Variants in MGAM observed in about 807,000 individuals in gnomAD.
MGAM encodes the protein maltase-glucoamylase.
MGAM carries 253 observed loss-of-function variants against 358.8 expected under a neutral mutation model. The observed-to-expected ratio is 0.71, with a 90% confidence interval of 0.64 to 0.78. The LOEUF (loss-of-function observed/expected upper bound fraction) is 0.78. MGAM is among the 30% of genes least tolerant of loss of function. MGAM has a pLI of 0.00. For synonymous variants in MGAM, 1,105 were observed against 1,227.1 expected (o/e 0.90, Z 2.08); for missense variants, 3,080 against 3,432.6 (o/e 0.90, Z 2.57).
At chr7:142,092,388 G>A (rs1815475566) in intron 58 of MGAM, 133 bp from the exon 59 acceptor site, 2 of 972,126 alleles carry the variant, frequency 2.1e-6, no homozygotes, top group African/African-American at 3.1e-5. Context: ...ACCAGGATTT[G>A]ATGAAGCTCC....
In MGAM at chr7:142,081,717, C is replaced by T. The variant is rs771250964; in HGVS notation, c.6003-325C>T. On this transcript the variant is annotated intron_variant, in intron 50 of 70. Transcript: ENST00000475668. Reference sequence around the variant, plus strand: ...CGTAGGAATATCGCTTTGAGTGCTACGTAGAAAATGCGCTGAGGGGTGCAA... The same window carrying T: ...CGTAGGAATATCGCTTTGAGTGCTATGTAGAAAATGCGCTGAGGGGTGCAA... Among the ~76,000 whole-genome samples the T allele has an allele frequency of 2.5e-4, 36 of 145,166 alleles. 4 individuals are homozygous for T. Among genetic ancestry groups the T allele is most frequent in the Non-Finnish European group, 3.3e-4 (21 of 64,158 alleles).
chr7:142,021,646 G>A lies in MGAM; in HGVS notation c.619G>A (p.Gly207Arg), dbSNP rs782342749. Residue 207 changes from glycine to arginine, a missense_variant, in exon 6 of 71, where the codon GGA (glycine) becomes AGA (arginine). Transcript: ENST00000475668. Reference sequence around the variant, plus strand: ...CCACGAACACGTGCAGTCCTTCAGTGGAAATGCTGCTGCTTCTTTGACCTA... The same window carrying A: ...CCACGAACACGTGCAGTCCTTCAGTAGAAATGCTGCTGCTTCTTTGACCTA... ...VPHEHVQSFSGNAAASLTYQV... is the reference protein window; with the variant it reads ...VPHEHVQSFSRNAAASLTYQV... 2.5e-6 allele frequency: 4 copies of A among 1,613,906 alleles called. No homozygotes were observed. The highest frequency in any genetic ancestry group is 3.4e-6 in the Non-Finnish European group (4 of 1,179,798).
chr7:142,071,523 G>A lies in MGAM; in HGVS notation c.5186+405G>A, dbSNP rs1813348727. ...TTTTCAAACACGCTAACAGCCAGGT[G>A]GTCAGCCTCCTTGGTTTGCCAGGAC... On this transcript the variant is annotated intron_variant, in intron 44 of 70. Transcript: ENST00000475668. Among the ~76,000 whole-genome samples, 2 of 146,122 alleles carry A rather than the reference G, an allele frequency of 1.4e-5. 1 individual carries two copies. Among genetic ancestry groups the A allele is most frequent in the Non-Finnish European group, 3.1e-5 (2 of 64,512 alleles).
At chr7:142,089,012 C>G (rs186107032) in intron 57 of MGAM, among the ~76,000 whole-genome samples, 3,386 of 141,882 alleles carry the variant, frequency 0.024, 224 homozygotes, top group African/African-American at 0.053. Flanking sequence ...ATCTATCTAT[C>G]TATCTATCTA....
intron 22 of MGAM, among the ~76,000 whole-genome samples, 177 bp from the exon 23 acceptor site, chr7:142,050,058 A>G (rs1810790467): frequency 6.6e-6 from 1 of 152,228 alleles, no homozygotes; most frequent in South Asian, 2.1e-4. Context: ...TTATACATTG[A>G]TGAATGAATG....
Position 142,003,991 on chromosome 7 carries a change from A to G in MGAM, c.-2-1538A>G, listed in dbSNP as rs143266859. On this transcript the variant is annotated intron_variant, in intron 1 of 70. Coordinates refer to ENST00000475668, the MANE Select transcript of MGAM (RefSeq NM_001365693.1). ...AATGCAAATTAAAACCACAAATGAG[A>G]TGATATCTTACACTGGTCAGAATGG... Among the ~76,000 whole-genome samples the G allele has an allele frequency of 1.2e-4, 19 of 152,190 alleles. No individual in the cohort carries two copies. The East Asian group carries it at 3.3e-3, about 26-fold the overall frequency.
Position 142,005,665 on chromosome 7 carries a change from G to T in MGAM, c.127+8G>T. ...AGTCACTGAAATCAACAGGTAAGAA[G>T]TAACTCTGGGGCTCTCTCCATATGT... On this transcript the variant is annotated splice_region_variant and intron_variant, in intron 2 of 70. Coordinates refer to ENST00000475668, the MANE Select transcript of MGAM (RefSeq NM_001365693.1). The T allele has an allele frequency of 6.3e-6, 10 of 1,599,752 alleles. No homozygotes were observed. The highest frequency in any genetic ancestry group is 8.5e-6 in the Non-Finnish European group (10 of 1,172,548).
In MGAM at chr7:142,095,987, G is replaced by T. The variant is rs1272844096; in HGVS notation, c.7607+274G>T. 8.2e-6 allele frequency: 5 copies of T among 612,416 alleles called. No homozygotes were observed. The East Asian group carries it at 1.4e-4, about 17-fold the overall frequency. 37.9% of individuals were successfully genotyped at this position (612,416 alleles called of 1,614,324 possible). On this transcript the variant is annotated intron_variant, in intron 64 of 70. Transcript: ENST00000475668. ...CTGTGCAAAGGCCTATCTATCTTTT[G>T]TAGCAGTTTGGTTATATGTAGCCAG... is the stretch of plus-strand genomic sequence containing the variant.
chr7:142,007,102 G>A (rs1805224330), intron 2 of MGAM, among the ~76,000 whole-genome samples: 1 of 152,012 alleles, frequency 6.6e-6, no homozygotes, highest in Admixed American at 6.6e-5. Context: ...AATTTATGTT[G>A]CTCTGATAGG....
In MGAM at chr7:142,019,092, T is replaced by G. The variant is rs1018245462; in HGVS notation, c.328-107T>G. The G allele has an allele frequency of 1.0e-5, 13 of 1,303,704 alleles. No individual in the cohort carries two copies. In the Admixed American group the frequency reaches 1.2e-4, roughly 12 times the overall value. 80.8% of individuals were successfully genotyped at this position (1,303,704 alleles called of 1,614,324 possible). A position where few individuals can be genotyped will look rare whatever the true frequency, so the allele number is the denominator to read the frequency against. ...ATCTAAATGTCAGTTTCCTTATTTG[T>G]AAAATGAAATTATTCATACCAGAGT... On this transcript the variant is annotated intron_variant, in intron 3 of 70. Coordinates refer to ENST00000475668, the MANE Select transcript of MGAM (RefSeq NM_001365693.1).
chr7:142,025,449 C>T (rs1457777650), intron 8 of MGAM, among the ~76,000 whole-genome samples: 1 of 152,190 alleles, frequency 6.6e-6, no homozygotes, highest in Non-Finnish European at 1.5e-5. Context: ...ATAGTTTCCA[C>T]CAATGTGTTC....
chr7:142,013,049 C>T (rs781841774), intron 3 of MGAM, among the ~76,000 whole-genome samples: 3 of 152,096 alleles, frequency 2.0e-5, no homozygotes, highest in African/African-American at 4.8e-5. Flanking sequence ...ACAGGAACAG[C>T]GACAGACTCC....
intron 21 of MGAM, among the ~76,000 whole-genome samples, chr7:142,045,179 AC>A (rs1563156558): frequency 6.6e-5 from 3 of 45,448 alleles, no homozygotes; most frequent in Non-Finnish European, 4.3e-5. Flanking sequence ...ATATTATATA[AC>A]ATATATGATA....
Position 142,038,392 on chromosome 7 carries a change from G to T in MGAM, c.2232-139G>T, listed in dbSNP as rs960445307. On this transcript the variant is annotated intron_variant, in intron 18 of 70. Transcript: ENST00000475668. ...TGTCTAGGGGTGCAGAGGGGCTTGA[G>T]TAGGTGTCACAGAATAATTTGGGGG... The T allele has an allele frequency of 1.0e-4, 65 of 633,478 alleles. 1 individual carries two copies. The Admixed American group carries it at 1.7e-3, about 16-fold the overall frequency. 39.2% of individuals were successfully genotyped at this position (633,478 alleles called of 1,614,324 possible). A position where few individuals can be genotyped will look rare whatever the true frequency, so the allele number is the denominator to read the frequency against.
At chr7:142,032,535 A>G (rs1288768135) in intron 13 of MGAM, among the ~76,000 whole-genome samples, 3 of 152,172 alleles carry the variant, frequency 2.0e-5, no homozygotes, top group Admixed American at 1.3e-4. Context: ...GGAAAAATGT[A>G]TAAGTTGAAA....
In MGAM at chr7:142,065,331, G is replaced by C. The variant is rs2129043585; in HGVS notation, c.4485-4G>C. ...CAGTTCACCTCCTGTTCCCTTCCAA[G>C]CAGAGCCGTGCAGGAGGTGACGGGA... On this transcript the variant is annotated splice_region_variant and splice_polypyrimidine_tract_variant and intron_variant, in intron 37 of 70. Coordinates refer to ENST00000475668, the MANE Select transcript of MGAM (RefSeq NM_001365693.1). 1.2e-6 allele frequency: 2 copies of C among 1,607,192 alleles called. No homozygotes were observed. Among genetic ancestry groups the C allele is most frequent in the South Asian group, 2.2e-5 (2 of 89,488 alleles).
chr7:142,062,266 G>A (rs141219463), intron 34 of MGAM, among the ~76,000 whole-genome samples: 1,825 of 152,278 alleles, frequency 0.012, 39 homozygotes, highest in African/African-American at 0.042. Context: ...CAGGACTGAC[G>A]TTGAGGGTTG....
chr7:141,999,591 A>G (rs1489429618), intron 1 of MGAM, among the ~76,000 whole-genome samples: 2 of 152,212 alleles, frequency 1.3e-5, no homozygotes, highest in Non-Finnish European at 2.9e-5. Flanking sequence ...GGCATGTGAC[A>G]AATTATGGAA....
At chr7:142,093,817 T>C (rs1159490219) in intron 60 of MGAM, among the ~76,000 whole-genome samples, 1 of 146,148 alleles carries the variant, frequency 6.8e-6, no homozygotes, top group Non-Finnish European at 1.5e-5. Context: ...GGAGACATCA[T>C]AATGATCACA....
Sources: gnomAD v4.1 joint callset for allele counts (sites outside exome capture counted in the v4.1 genomes callset) on GRCh38, gnomAD v4.1.1 for gene constraint, MANE v1.5 for transcripts, NCBI Gene and HGNC (gene_info 2026-07-23, HGNC 2026-07-21) for gene names.